ACOT9: variants seen among roughly 807,000 people sequenced by gnomAD.
ACOT9 encodes acyl-coenzyme A thioesterase 9, mitochondrial.
ACOT9 carries 34 observed loss-of-function variants against 39.7 expected under a neutral mutation model. That is an observed-to-expected ratio of 0.86 (90% CI 0.65 to 1.14). ACOT9 has a LOEUF of 1.14. ACOT9 is among the 50% of genes most tolerant of loss of function. ACOT9 has a pLI of 0.00. For synonymous variants in ACOT9, 110 were observed against 120.5 expected (o/e 0.91, Z 0.57); for missense variants, 313 against 344.1 (o/e 0.91, Z 0.71).
At chrX:23,716,098 C>T (rs748733998) in intron 8 of ACOT9, among the ~76,000 whole-genome samples, 22 of 111,213 alleles carry the variant, frequency 2.0e-4, no homozygotes, top group Non-Finnish European at 3.6e-4. Flanking sequence ...GTCAAAGAGA[C>T]GGTATTGAGG....
rs752015969 is a variant in ACOT9 at position 23,730,805 on chromosome X, C to T, written c.362+11G>A. 2.5e-5 allele frequency: 29 copies of T among 1,175,466 alleles called. No individual in the cohort carries two copies. The highest frequency in any genetic ancestry group is 3.2e-5 in the Non-Finnish European group (28 of 877,600). On this transcript the variant is annotated intron_variant, in intron 5 of 15. Transcript: ENST00000379303. ...AATAAAAACAAATACATAAAAATAG[C>T]ACTGTGTTACCTTACGGTGTTTTGA...
At position 23,704,759 on chromosome X, in the gene ACOT9, T is replaced by C. The variant is rs1928615923; in HGVS notation, c.1193A>G (p.Asn398Ser). The change falls in exon 15 of 16, where the codon AAT becomes AGT. Residue 398 changes from asparagine to serine, a missense_variant. Transcript: ENST00000379303. Reference protein sequence around the residue: ...SLQEKQHTTTNVFHFTFMSEK... With the variant: ...SLQEKQHTTTSVFHFTFMSEK... ...CGACATGAACGTGAAATGAAAGACA[T>C]TGGTGGTTGTATGCTGCTTCTCCTG... 4 of 1,211,144 alleles carry C rather than the reference T, an allele frequency of 3.3e-6. No homozygotes were observed. The highest frequency in any genetic ancestry group is 1.8e-5 in the South Asian group (1 of 56,985).
At chrX:23,736,056 T>C in intron 1 of ACOT9, 40 bp from the exon 2 acceptor site, 2 of 1,116,366 alleles carry the variant, frequency 1.8e-6, no homozygotes, top group Non-Finnish European at 2.4e-6. Flanking sequence ...TCCCACAGCT[T>C]CTTCCCTGGC....
chrX:23,704,170 T>G (rs1218128745), intron 15 of ACOT9, among the ~76,000 whole-genome samples, 188 bp from the exon 16 acceptor site: 2 of 90,221 alleles, frequency 2.2e-5, no homozygotes, highest in African/African-American at 4.2e-5. Flanking sequence ...GGATCAGTTT[T>G]TTTTTTTTTT....
rs367814774 is a variant in ACOT9, at chrX:23,728,257, G to A, written c.400+2270C>T. On this transcript the variant is annotated intron_variant, in intron 6 of 15. Transcript: ENST00000379303. ...GAGTAGGGTGCTGGCATCCAAGCAC[G>A]GTGAGGAGGACATCCTTGCAGAGAG... Among the ~76,000 whole-genome samples the A allele has an allele frequency of 8.1e-5, 9 of 111,384 alleles. No individual in the cohort carries two copies. The East Asian group carries it at 1.7e-3, about 21-fold the overall frequency.
At chrX:23,704,944 G>T in intron 14 of ACOT9, 49 bp downstream of exon 14, 1 of 1,180,838 alleles carries the variant, frequency 8.5e-7, no homozygotes, top group Non-Finnish European at 1.1e-6. Flanking sequence ...AAACTTCTAG[G>T]CTCAAATGAA....
chrX:23,733,714 G>A (rs892986878), intron 3 of ACOT9, among the ~76,000 whole-genome samples: 1 of 110,124 alleles, frequency 9.1e-6, no homozygotes, highest in African/African-American at 3.4e-5. Flanking sequence ...AAGTAGCTGG[G>A]ATTACAGGCG....
At chrX:23,731,278 C>A (rs1362086991) in intron 4 of ACOT9, among the ~76,000 whole-genome samples, 1 of 111,361 alleles carries the variant, frequency 9.0e-6, no homozygotes, top group African/African-American at 3.3e-5. Flanking sequence ...GGGTTCAAGA[C>A]CAGCCTGGCC....
chrX:23,715,728 T>C (rs889941758), intron 8 of ACOT9, among the ~76,000 whole-genome samples: 13 of 111,669 alleles, frequency 1.2e-4, no homozygotes, highest in African/African-American at 3.9e-4. Context: ...CACCGTGAGC[T>C]CCTGTAGGAC....
chrX:23,714,168 C>T (rs979133255), intron 8 of ACOT9, among the ~76,000 whole-genome samples: 1 of 111,477 alleles, frequency 9.0e-6, no homozygotes, highest in African/African-American at 3.3e-5. Flanking sequence ...AATTTGCCTG[C>T]TTTCCTCAGA....
intron 1 of ACOT9, among the ~76,000 whole-genome samples, chrX:23,739,458 T>C (rs1377611367): frequency 1.8e-5 from 2 of 111,065 alleles, no homozygotes; most frequent in Non-Finnish European, 3.8e-5. Context: ...CTCAAAAATC[T>C]CTAGCTATCA....
At position 23,705,863 on chromosome X, in the gene ACOT9, A is replaced by G; in HGVS notation, c.843-5T>C. ...CGACTCCGAAAACTTATAGTCCTGT[A>G]CAAATGAATATTTATTAAACCCTGT... is the stretch of plus-strand genomic sequence containing the variant. On this transcript the variant is annotated splice_polypyrimidine_tract_variant and splice_region_variant and intron_variant, in intron 11 of 15. Transcript: ENST00000379303. The G allele has an allele frequency of 8.6e-7, 1 of 1,165,068 alleles. No individual in the cohort carries two copies. Among genetic ancestry groups the G allele is most frequent in the East Asian group, 3.0e-5 (1 of 33,706 alleles).
intron 6 of ACOT9, 79 bp from the exon 7 acceptor site, chrX:23,722,832 C>A (rs942976663): frequency 4.8e-6 from 3 of 625,751 alleles, no homozygotes; most frequent in Non-Finnish European, 7.7e-6. Flanking sequence ...CCCTGAGATC[C>A]ATGAAAAGCC....
At position 23,740,386 on chromosome X, in the gene ACOT9, C is replaced by T. The variant is rs771125694; in HGVS notation, c.20+2739G>A. Among the ~76,000 whole-genome samples the T allele has an allele frequency of 5.4e-5, 6 of 110,827 alleles. No individual in the cohort carries two copies. The South Asian group carries it at 2.3e-3, about 42-fold the overall frequency. Reference sequence around the variant, plus strand: ...TATCCCAAAGTGCTGGGATTATAGGCGTGAGCCACCGCGCCTGGCATGTAA... The same window carrying T: ...TATCCCAAAGTGCTGGGATTATAGGTGTGAGCCACCGCGCCTGGCATGTAA... On this transcript the variant is annotated intron_variant, in intron 1 of 15. Transcript: ENST00000379303.
At chrX:23,719,506 C>T (rs185186048) in intron 8 of ACOT9, among the ~76,000 whole-genome samples, 4 of 108,496 alleles carry the variant, frequency 3.7e-5, no homozygotes, top group Admixed American at 9.9e-5. Context: ...GCAGTGGCCC[C>T]CAACCTTTTT....
intron 10 of ACOT9, chrX:23,707,647 G>T (rs1016317712): frequency 8.6e-6 from 2 of 231,547 alleles, no homozygotes; most frequent in Non-Finnish European, 1.6e-5. Context: ...TGGGGCAGAA[G>T]AATCACTTGA....
At chrX:23,733,967 G>A (rs1012171017) in intron 3 of ACOT9, among the ~76,000 whole-genome samples, 1 of 111,406 alleles carries the variant, frequency 9.0e-6, no homozygotes, top group Non-Finnish European at 1.9e-5. Flanking sequence ...CACTATGTTG[G>A]TCAGGCTGGT....
In ACOT9 at chrX:23,703,631, G is replaced by GT. The variant is rs1928557887; in HGVS notation, c.*262dup. 1 of 245,574 alleles carries GT rather than the reference G, an allele frequency of 4.1e-6. No homozygotes were observed. Among genetic ancestry groups the GT allele is most frequent in the South Asian group, 7.9e-5 (1 of 12,646 alleles). The allele number at this position is 245,574 out of a possible 1,213,427, so 20.2% of individuals were successfully genotyped here. ...CCACGCCCAGCCTCTCAATTTTTTT[G>GT]TTTTTTCAGAAGATGGGAGGCAACA... is the stretch of plus-strand genomic sequence containing the variant. On this transcript the variant is annotated 3_prime_UTR_variant, in exon 16 of 16. Coordinates refer to ENST00000379303, the MANE Select transcript of ACOT9 (RefSeq NM_001037171.2).
At position 23,730,862 on chromosome X, in the gene ACOT9, C is replaced by T; in HGVS notation, c.316G>A (p.Glu106Lys). ...YIEVLLPLGS[E>K]PELREKYLTV... ...AAATATTTCTCTCGTAATTCAGGCT[C>T]ACTGCCCAAAGGCAAGAGAACTTCA... Residue 106 changes from glutamate (E) to lysine (K), a missense_variant, in exon 5 of 16, where the codon GAG (glutamate) becomes AAG (lysine). Coordinates refer to ENST00000379303, the MANE Select transcript of ACOT9 (RefSeq NM_001037171.2). 1 of 1,210,806 alleles carries T rather than the reference C, an allele frequency of 8.3e-7. No homozygotes were observed. Among genetic ancestry groups the T allele is most frequent in the Middle Eastern group, 2.3e-4 (1 of 4,343 alleles).
Sources: gnomAD v4.1 joint callset for allele counts (sites outside exome capture counted in the v4.1 genomes callset) on GRCh38, gnomAD v4.1.1 for gene constraint, MANE v1.5 for transcripts, NCBI Gene and HGNC (gene_info 2026-07-23, HGNC 2026-07-21) for gene names.